The following CSNK1G1 variants were observed in gnomAD, a reference collection of about 807,000 sequenced individuals.
CSNK1G1 encodes casein kinase 1 gamma 1.
CSNK1G1 carries 22 observed loss-of-function variants against 59.6 expected under a neutral mutation model. The ratio of observed to expected loss-of-function variants is 0.37; its 90% CI spans 0.26 to 0.53. CSNK1G1 has a LOEUF of 0.53. Among genes scored for constraint, CSNK1G1 ranks in the 20% least tolerant of loss-of-function variants. The pLI is 0.89. For synonymous variants in CSNK1G1, 179 were observed against 177.1 expected, an observed-to-expected ratio of 1.01 and a Z score of -0.08; for missense variants, 384 against 519.5, an observed-to-expected ratio of 0.74 and a Z score of 2.54.
intron 3 of CSNK1G1, among the ~76,000 whole-genome samples, chr15:64,258,020 CTG>C (rs1029252392): frequency 1.3e-5 from 2 of 152,164 alleles, no homozygotes; most frequent in African/African-American, 4.8e-5. Context: ...AATCTGGTAA[CTG>C]TCAGTTCCTC....
At chr15:64,238,023 T>G (rs940385500) in intron 4 of CSNK1G1, among the ~76,000 whole-genome samples, 30 of 152,104 alleles carry the variant, frequency 2.0e-4, no homozygotes, top group African/African-American at 7.2e-4. Flanking sequence ...GGAAAAAAAT[T>G]TCAAAACCTA....
At chr15:64,221,616 A>C (rs1020082633) in intron 4 of CSNK1G1, among the ~76,000 whole-genome samples, 5 of 151,608 alleles carry the variant, frequency 3.3e-5, no homozygotes, top group African/African-American at 7.3e-5. Context: ...AAAAAGCTCA[A>C]GTCAGAGTCT....
At chr15:64,308,239 C>G (rs955335583) in intron 1 of CSNK1G1, among the ~76,000 whole-genome samples, 8 of 152,114 alleles carry the variant, frequency 5.3e-5, no homozygotes, top group African/African-American at 1.9e-4. Flanking sequence ...ATAAATTCGT[C>G]TGTTCTACCT....
In CSNK1G1 at chr15:64,180,407, T is replaced by G; in HGVS notation, c.1155A>C (p.Gly385=). 6.2e-7 allele frequency: 1 copy of G among 1,614,136 alleles called. No homozygotes were observed. Among genetic ancestry groups the G allele is most frequent in the South Asian group, 1.1e-5 (1 of 91,076 alleles). Residue 385 remains glycine (G), a synonymous_variant, in exon 11 of 12, where the codon GGA becomes GGC. Transcript: ENST00000303052. ...NGELNVDDPT[G]AHSNAPITAH... is the part of the protein sequence containing the mutation. ...CTGTGATTGGTGCATTGGAGTGGGC[T>G]CCCGTGGGATCATCAACATTCAGCT...
intron 10 of CSNK1G1, among the ~76,000 whole-genome samples, chr15:64,193,316 C>G (rs139963695): frequency 6.6e-6 from 1 of 151,616 alleles, no homozygotes; most frequent in Non-Finnish European, 1.5e-5. Flanking sequence ...ACGGTGAAAC[C>G]CCGTCTCTAC....
chr15:64,302,937 T>G (rs553956755), intron 1 of CSNK1G1, among the ~76,000 whole-genome samples: 1 of 152,334 alleles, frequency 6.6e-6, no homozygotes, highest in African/African-American at 2.4e-5. Flanking sequence ...GTTATTTTTA[T>G]AATACTTTGC....
chr15:64,199,652 C>T (rs1037928202), intron 10 of CSNK1G1, among the ~76,000 whole-genome samples: 2 of 152,036 alleles, frequency 1.3e-5, no homozygotes, highest in Non-Finnish European at 2.9e-5. Context: ...CTCAGGAGTT[C>T]GCAACCAGCC....
rs568888741 is a variant in CSNK1G1 at position 64,188,530 on chromosome 15, G to C, written c.1108-8076C>G. The stretch of plus-strand genomic sequence containing the variant: ...CATGAGAGCAAGATATGGAAGGAAA[G>C]GTGAAGCAACAGCAAGCAATAACAA... On this transcript the variant is annotated intron_variant, in intron 10 of 11. Coordinates refer to ENST00000303052, the MANE Select transcript of CSNK1G1 (RefSeq NM_022048.5). This position sits in a 1 kb window ranked among gnomAD's most constrained non-coding sequence, Gnocchi z 4.2. The C allele has an allele frequency of 1.4e-6, 2 of 1,399,904 alleles. No homozygotes were observed. The highest frequency in any genetic ancestry group is 1.2e-5 in the South Asian group (1 of 80,208). 86.7% of individuals were successfully genotyped at this position (1,399,904 alleles called of 1,614,324 possible). A position where few individuals can be genotyped will look rare whatever the true frequency, so the allele number is the denominator to read the frequency against.
intron 10 of CSNK1G1, among the ~76,000 whole-genome samples, chr15:64,184,362 A>G (rs1170786847): frequency 6.6e-6 from 1 of 151,918 alleles, no homozygotes. Flanking sequence ...AAGATAATAA[A>G]AAATAAGCTT....
chr15:64,263,002 C>A (rs1945752152), intron 2 of CSNK1G1, among the ~76,000 whole-genome samples: 1 of 149,668 alleles, frequency 6.7e-6, no homozygotes, highest in African/African-American at 2.5e-5. Context: ...TAGCTTGAAC[C>A]CAGGAGGCAG....
chr15:64,308,678 C>T (rs908122406), intron 1 of CSNK1G1, among the ~76,000 whole-genome samples: 33 of 151,940 alleles, frequency 2.2e-4, no homozygotes, highest in African/African-American at 7.0e-4. Context: ...GGGTGGATCA[C>T]GAGGTCAGGA....
chr15:64,308,893 TC>T (rs1895839272), intron 1 of CSNK1G1, among the ~76,000 whole-genome samples: 2 of 44,996 alleles, frequency 4.4e-5, no homozygotes, highest in Admixed American at 7.6e-4. Flanking sequence ...TGAGACTCTG[TC>T]TCAAAAAAAA....
rs1464182490 is a variant in CSNK1G1, at chr15:64,203,131, C to T, written c.1058G>A (p.Ser353Asn). The change falls in exon 10 of 12, where the codon AGC becomes AAC. Residue 353 changes from serine to asparagine, a missense_variant. Physicochemically the swap from Ser to Asn is conservative, Grantham distance 46 (BLOSUM62 1). This residue lies in a region of CSNK1G1 where 325 missense variants were observed against 440.9 expected (regional missense o/e 0.74). Coordinates refer to ENST00000303052, the MANE Select transcript of CSNK1G1 (RefSeq NM_022048.5). ...DSGASAITRE[S>N]HTHRDRPSQQ... ...TGATGGCCGATCCCTATGTGTGTGGCTTTCTCGAGTTATTGCAGATGCACC... is the reference window on the plus strand; with the variant it reads ...TGATGGCCGATCCCTATGTGTGTGGTTTTCTCGAGTTATTGCAGATGCACC... 1 of 1,614,142 alleles carries T rather than the reference C, an allele frequency of 6.2e-7. No homozygotes were observed. Among genetic ancestry groups the T allele is most frequent in the Admixed American group, 1.7e-5 (1 of 60,020 alleles).
At position 64,176,290 on chromosome 15, in the gene CSNK1G1, A is replaced by C. The variant is rs2081740334; in HGVS notation, c.1214+4058T>G. The C allele has an allele frequency of 2.5e-6, 1 of 398,618 alleles. No homozygotes were observed. The highest frequency in any genetic ancestry group is 4.4e-6 in the Non-Finnish European group (1 of 225,952). 24.7% of individuals were successfully genotyped at this position (398,618 alleles called of 1,614,324 possible). The stretch of plus-strand genomic sequence containing the variant: ...AGGTTGAGCATTTTCAGGCAGCTAC[A>C]GAGTATATAAAGAGAAAAACACAGA... On this transcript the variant is annotated intron_variant, in intron 11 of 11. Transcript: ENST00000303052. The surrounding 1 kb of genome is among the most constrained non-coding windows in gnomAD (Gnocchi z 5.2).
Position 64,273,463 on chromosome 15 carries a change from A to G in CSNK1G1, c.182-14222T>C, listed in dbSNP as rs149832808. Among the ~76,000 whole-genome samples the G allele has an allele frequency of 1.6e-3, 248 of 152,320 alleles. 2 individuals carry two copies. The highest frequency in any genetic ancestry group is 5.7e-3 in the African/African-American group (239 of 41,570). On this transcript the variant is annotated intron_variant, in intron 2 of 11. Coordinates refer to ENST00000303052, the MANE Select transcript of CSNK1G1 (RefSeq NM_022048.5). The stretch of plus-strand genomic sequence containing the variant: ...TATGTGTAAATATTTTGTAAACTGC[A>G]AGGTGCTAGATAAGTCTAATTTTTA...
intron 1 of CSNK1G1, among the ~76,000 whole-genome samples, chr15:64,353,787 C>T (rs1898471370): frequency 6.6e-6 from 1 of 151,458 alleles, no homozygotes; most frequent in Non-Finnish European, 1.5e-5. Context: ...GTATAATTGC[C>T]CCAGTGCATT....
intron 10 of CSNK1G1, among the ~76,000 whole-genome samples, chr15:64,191,987 G>C (rs935795892): frequency 6.6e-6 from 1 of 152,162 alleles, no homozygotes; most frequent in Non-Finnish European, 1.5e-5. Context: ...GAATGCCTAG[G>C]AAATAGATGA....
chr15:64,209,145 C>A (rs1433578174), intron 6 of CSNK1G1, among the ~76,000 whole-genome samples: 1 of 152,168 alleles, frequency 6.6e-6, no homozygotes, highest in Non-Finnish European at 1.5e-5. Flanking sequence ...CAGCCTTGGC[C>A]TCCCAAAGTG....
chr15:64,238,159 C>G (rs532033045), intron 4 of CSNK1G1, among the ~76,000 whole-genome samples: 44 of 151,920 alleles, frequency 2.9e-4, no homozygotes, highest in Middle Eastern at 3.4e-3. Flanking sequence ...AATCTTTGCC[C>G]CAGTTAAAAG....
Sources: allele counts gnomAD v4.1 joint callset (sites outside exome capture counted in the v4.1 genomes callset), GRCh38; gene constraint gnomAD v4.1.1; regional missense constraint gnomAD v4.1.1; non-coding constraint Gnocchi (gnomAD v3.1); transcripts MANE v1.5; gene names NCBI Gene and HGNC (gene_info 2026-07-23, HGNC 2026-07-21).